The following WWOX variants were observed in gnomAD, a reference collection of about 807,000 sequenced individuals.
The protein encoded by WWOX is WW domain containing oxidoreductase.
A neutral mutation model predicts 46.2 loss-of-function variants in WWOX; 69 were observed. The ratio of observed to expected loss-of-function variants is 1.49; its 90% confidence interval spans 1.23 to 1.82. The LOEUF is 1.82. Among genes scored for constraint, WWOX ranks in the 40% most tolerant of loss-of-function variants. The pLI is 0.00. For synonymous variants in WWOX, 359 were observed against 202.6 expected (o/e 1.77, Z -6.56); for missense variants, 919 against 542.6 (o/e 1.69, Z -6.89).
chr16:78,356,599 C>G (rs1318025604), intron 5 of WWOX, among the ~76,000 whole-genome samples: 1 of 152,074 alleles, frequency 6.6e-6, no homozygotes, highest in Non-Finnish European at 1.5e-5. Flanking sequence ...AACAAAAGTT[C>G]CGGCTGGGCA....
At chr16:78,917,944 A>T (rs1475374820) in intron 8 of WWOX, among the ~76,000 whole-genome samples, 2 of 152,180 alleles carry the variant, frequency 1.3e-5, no homozygotes, top group Non-Finnish European at 2.9e-5. Flanking sequence ...GCTCACACAC[A>T]TAATCTTAGC....
intron 8 of WWOX, among the ~76,000 whole-genome samples, chr16:78,533,945 C>A (rs1452460089): frequency 6.6e-6 from 1 of 152,158 alleles, no homozygotes; most frequent in Non-Finnish European, 1.5e-5. Context: ...GTGCCAGATA[C>A]AGAGTAGTAA....
chr16:79,210,423 A>T (rs898130585), intron 8 of WWOX, among the ~76,000 whole-genome samples: 2 of 152,176 alleles, frequency 1.3e-5, no homozygotes, highest in Non-Finnish European at 2.9e-5. Context: ...GCATGGTCAC[A>T]ATGTAAACCC....
At chr16:79,165,725 G>A (rs1279165661) in intron 8 of WWOX, among the ~76,000 whole-genome samples, 2 of 152,150 alleles carry the variant, frequency 1.3e-5, no homozygotes, top group South Asian at 4.1e-4. Context: ...TGTTTACTCT[G>A]TCAGGGTGAA....
Position 79,008,627 on chromosome 16 carries a change from A to G in WWOX, c.1057-202981A>G, listed in dbSNP as rs556014757. Among the ~76,000 whole-genome samples the G allele has an allele frequency of 3.3e-5, 5 of 152,320 alleles. No homozygotes were observed. In the South Asian group the frequency reaches 8.3e-4, roughly 25 times the overall value. ...AGCATTATGCACCATGCCAAAGGCC[A>G]TGGAAGGACAGAGCTTGGGCATGCT... On this transcript the variant is annotated intron_variant, in intron 8 of 8. Transcript: ENST00000566780.
chr16:79,211,668 G>T lies in WWOX; in HGVS notation c.1117G>T (p.Gly373Trp), dbSNP rs1400576596. Residue 373 changes from glycine (G) to tryptophan (W), a missense_variant, in exon 9 of 9, where the codon GGG becomes TGG. Transcript: ENST00000566780. ...TGTCCCAGAACTGGAGGGTCTGGGA[G>T]GGATGTACTTCAACAACTGCTGCCG... Reference protein sequence around the residue: ...AAVPELEGLGGMYFNNCCRCM... With the variant: ...AAVPELEGLGWMYFNNCCRCM... 2 of 1,614,094 alleles carry T rather than the reference G, an allele frequency of 1.2e-6. No individual in the cohort carries two copies. Among genetic ancestry groups the T allele is most frequent in the Non-Finnish European group, 1.7e-6 (2 of 1,180,052 alleles).
chr16:78,725,877 T>C (rs2048818353), intron 8 of WWOX, among the ~76,000 whole-genome samples: 1 of 152,120 alleles, frequency 6.6e-6, no homozygotes, highest in Non-Finnish European at 1.5e-5. Context: ...TCGCTGCATG[T>C]CATTCACATT....
At chr16:79,154,723 G>A (rs1209346454) in intron 8 of WWOX, among the ~76,000 whole-genome samples, 1 of 152,116 alleles carries the variant, frequency 6.6e-6, no homozygotes, top group Admixed American at 6.5e-5. Flanking sequence ...TATGTGGATG[G>A]AGCCAGTTAA....
intron 8 of WWOX, among the ~76,000 whole-genome samples, chr16:78,524,514 G>A (rs1007604578): frequency 1.5e-4 from 23 of 151,676 alleles, no homozygotes; most frequent in Admixed American, 4.6e-4. Flanking sequence ...TCTGCCTCCC[G>A]TGTCCAAGTG....
rs754286316 is a variant in WWOX, at chr16:79,211,592, C to A, written c.1057-16C>A. ...TTTCTTAAAATTTTTTTTTGTCTTT[C>A]TTCTTGGATTTCCAGCAACAGGGAG... On this transcript the variant is annotated splice_polypyrimidine_tract_variant and intron_variant, in intron 8 of 8. Coordinates refer to ENST00000566780, the MANE Select transcript of WWOX (RefSeq NM_016373.4). The A allele has an allele frequency of 1.2e-6, 2 of 1,613,936 alleles. No homozygotes were observed. The highest frequency in any genetic ancestry group is 4.5e-5 in the East Asian group (2 of 44,860).
chr16:78,517,610 T>C (rs1015946178), intron 8 of WWOX, among the ~76,000 whole-genome samples: 7 of 152,262 alleles, frequency 4.6e-5, no homozygotes, highest in African/African-American at 1.7e-4. Context: ...GAAGTATCCC[T>C]CTGCGTCGCC....
chr16:78,687,456 C>G (rs1229227217), intron 8 of WWOX, among the ~76,000 whole-genome samples: 1 of 152,142 alleles, frequency 6.6e-6, no homozygotes, highest in Non-Finnish European at 1.5e-5. Context: ...GTTAAGTGAA[C>G]AATCATTTGG....
chr16:78,786,112 G>A (rs1183178192), intron 8 of WWOX, among the ~76,000 whole-genome samples: 2 of 152,160 alleles, frequency 1.3e-5, no homozygotes, highest in Non-Finnish European at 2.9e-5. Context: ...ATTTTCCCGT[G>A]TTGGCCAGGC....
chr16:78,835,723 G>C (rs1298388131), intron 8 of WWOX, among the ~76,000 whole-genome samples: 1 of 152,180 alleles, frequency 6.6e-6, no homozygotes, highest in Non-Finnish European at 1.5e-5. Flanking sequence ...AAGAAATTGA[G>C]CAAACTAGGC....
At chr16:78,413,787 G>A (rs1355600478) in intron 6 of WWOX, among the ~76,000 whole-genome samples, 1 of 152,048 alleles carries the variant, frequency 6.6e-6, no homozygotes, top group Non-Finnish European at 1.5e-5. Context: ...GGGGCCAAAG[G>A]ACTGGTTGGC....
chr16:78,778,526 C>T (rs2050247031), intron 8 of WWOX, among the ~76,000 whole-genome samples: 1 of 152,196 alleles, frequency 6.6e-6, no homozygotes, highest in Admixed American at 6.5e-5. Context: ...CAAGTCATTT[C>T]ACAATTTGGG....
intron 8 of WWOX, among the ~76,000 whole-genome samples, chr16:79,207,757 C>T (rs1047326234): frequency 6.6e-6 from 1 of 151,530 alleles, no homozygotes; most frequent in Admixed American, 6.6e-5. Flanking sequence ...AGAGTACTAA[C>T]CAATGCATTA....
chr16:79,081,424 A>G (rs970275853), intron 8 of WWOX, among the ~76,000 whole-genome samples: 2 of 152,194 alleles, frequency 1.3e-5, no homozygotes, highest in African/African-American at 2.4e-5. Context: ...TTGGCCTCCC[A>G]AAGCGCTGGG....
intron 8 of WWOX, among the ~76,000 whole-genome samples, chr16:78,892,937 G>C (rs1270952801): frequency 6.6e-6 from 1 of 152,170 alleles, no homozygotes; most frequent in Non-Finnish European, 1.5e-5. Context: ...GGTCTTTTCT[G>C]TCCTTAAGCA....
Sources: gnomAD v4.1 joint callset for allele counts (sites outside exome capture counted in the v4.1 genomes callset) on GRCh38, gnomAD v4.1.1 for gene constraint, MANE v1.5 for transcripts, NCBI Gene and HGNC (gene_info 2026-07-23, HGNC 2026-07-21) for gene names.